The following ZKSCAN2 variants were observed in gnomAD, a reference collection of about 807,000 sequenced individuals.
ZKSCAN2 encodes zinc finger protein with KRAB and SCAN domains 2.
In ZKSCAN2, 38 loss-of-function variants were observed where a neutral mutation model predicts 90.5. The ratio of observed to expected loss-of-function variants is 0.42; its 90% CI spans 0.32 to 0.55. The LOEUF (loss-of-function observed/expected upper bound fraction) is 0.55. Ranked by LOEUF, ZKSCAN2 falls within the 20% of genes least tolerant of loss-of-function variation. ZKSCAN2 has a pLI of 0.11. For synonymous variants in ZKSCAN2, 429 were observed against 421.6 expected, an observed-to-expected ratio of 1.02 and a Z score of -0.22; for missense variants, 1,167 against 1,202.6, an observed-to-expected ratio of 0.97 and a Z score of 0.44.
rs1962820540 is a variant in ZKSCAN2, at chr16:25,239,870, A to G, written c.2850T>C (p.Tyr950=). Residue 950 remains tyrosine, a synonymous_variant, in exon 7 of 7, where the codon TAT becomes TAC. Coordinates refer to ENST00000328086, the MANE Select transcript of ZKSCAN2 (RefSeq NM_001012981.5). Reference sequence around the variant, plus strand: ...TTCCCTTATGTGGGTTCTCAGGGCAATACAGAGATGGAGGGTGTGGCAGAG... The same window carrying G: ...TTCCCTTATGTGGGTTCTCAGGGCAGTACAGAGATGGAGGGTGTGGCAGAG... ...EKPLPHPPSL[Y]CPENPHKGKT... The G allele has an allele frequency of 6.2e-7, 1 of 1,613,262 alleles. No homozygotes were observed. The highest frequency in any genetic ancestry group is 1.3e-5 in the African/African-American group (1 of 74,862).
At position 25,240,653 on chromosome 16, in the gene ZKSCAN2, C is replaced by G. The variant is rs1048729898; in HGVS notation, c.2067G>C (p.Lys689Asn). ...DMEQHRALIE[K>N]SKRVVSQSTD... Reference sequence around the variant, plus strand: ...TACTCTGGGAAACAACTCTTTTAGACTTTTCTATTAATGCCCTATGCTGTT... The same window carrying G: ...TACTCTGGGAAACAACTCTTTTAGAGTTTTCTATTAATGCCCTATGCTGTT... The change falls in exon 7 of 7, where the codon AAG becomes AAC. Residue 689 changes from lysine to asparagine, a missense_variant. Physicochemically the swap from Lys to Asn is moderately conservative, Grantham distance 94. Coordinates refer to ENST00000328086, the MANE Select transcript of ZKSCAN2 (RefSeq NM_001012981.5). 1.2e-6 allele frequency: 2 copies of G among 1,614,044 alleles called. No homozygotes were observed. The highest frequency in any genetic ancestry group is 1.7e-6 in the Non-Finnish European group (2 of 1,180,018).
At chr16:25,240,970 T>C (rs901633815) in intron 6 of ZKSCAN2, among the ~76,000 whole-genome samples, 1 of 152,056 alleles carries the variant, frequency 6.6e-6, no homozygotes, top group Admixed American at 6.6e-5. Flanking sequence ...AAGCCATCAT[T>C]CCCCATCCAT....
intron 4 of ZKSCAN2, 49 bp from the exon 5 acceptor site, chr16:25,247,439 C>A: frequency 6.7e-7 from 1 of 1,503,668 alleles, no homozygotes. Context: ...GTCATTACTG[C>A]ATGCCTCAAT....
intron 4 of ZKSCAN2, among the ~76,000 whole-genome samples, chr16:25,250,923 A>G (rs1963011411): frequency 6.6e-6 from 1 of 151,912 alleles, no homozygotes. Context: ...TGTCCAGCTA[A>G]TTTTGTATTT....
intron 4 of ZKSCAN2, 100 bp from the exon 5 acceptor site, chr16:25,247,490 C>A: frequency 1.1e-6 from 1 of 951,740 alleles, no homozygotes; most frequent in Non-Finnish European, 1.6e-6. Context: ...TTGTTCACAC[C>A]CAAACCTTCC....
At chr16:25,255,444 G>A (rs1963086845) in intron 1 of ZKSCAN2, 52 bp from the exon 2 acceptor site, 2 of 1,544,966 alleles carry the variant, frequency 1.3e-6, no homozygotes, top group African/African-American at 2.8e-5. Context: ...CCCATATCAG[G>A]GCGAAATTCT....
Position 25,239,914 on chromosome 16 carries a change from CTT to C in ZKSCAN2, c.2804_2805del (p.Glu935GlyfsTer18). Reference sequence around the variant, plus strand: ...GGCAGAGGCTTTTCTCTCACATGAACTTCCCGATGTTTGGTAAGAACAGAACT... The same window carrying C: ...GGCAGAGGCTTTTCTCTCACATGAACCCCGATGTTTGGTAAGAACAGAACT... ...SKSSVLTKHR[E>X]VHVREKPLPH... On this transcript the variant is annotated frameshift_variant, in exon 7 of 7. Transcript: ENST00000328086. LOFTEE classifies it low-confidence loss of function (END_TRUNC). 2 of 1,614,188 alleles carry C rather than the reference CTT, an allele frequency of 1.2e-6. No individual in the cohort carries two copies. The highest frequency in any genetic ancestry group is 1.7e-6 in the Non-Finnish European group (2 of 1,180,028).
Position 25,257,538 on chromosome 16 carries a change from G to C in ZKSCAN2, c.-411C>G. The C allele has an allele frequency of 1.0e-6, 1 of 987,388 alleles. No homozygotes were observed. The allele number at this position is 987,388 out of a possible 1,614,324, so 61.2% of individuals were successfully genotyped here. A position where few individuals can be genotyped will look rare whatever the true frequency, so the allele number is the denominator to read the frequency against. On this transcript the variant is annotated 5_prime_UTR_variant, in exon 1 of 7. Coordinates refer to ENST00000328086, the MANE Select transcript of ZKSCAN2 (RefSeq NM_001012981.5). ...GTCGGGCGCGGAGAGGCGAGTCCCCGAGTGGGTGGGGCCGGATGTGCAGGC... is the reference window on the plus strand; with the variant it reads ...GTCGGGCGCGGAGAGGCGAGTCCCCCAGTGGGTGGGGCCGGATGTGCAGGC...
At chr16:25,251,226 G>C (rs1308958677) in intron 4 of ZKSCAN2, among the ~76,000 whole-genome samples, 2 of 151,640 alleles carry the variant, frequency 1.3e-5, no homozygotes, top group East Asian at 3.9e-4. Context: ...GAGGGTAGGT[G>C]GGCAAAAAAA....
chr16:25,238,033 G>C lies in ZKSCAN2; in HGVS notation c.*1783C>G, dbSNP rs1451155409. 2 of 152,184 alleles carry C rather than the reference G, an allele frequency of 1.3e-5. No individual in the cohort carries two copies. The highest frequency in any genetic ancestry group is 4.8e-5 in the African/African-American group (2 of 41,448). 9.4% of individuals were successfully genotyped at this position (152,184 alleles called of 1,614,324 possible). A position where few individuals can be genotyped will look rare whatever the true frequency, so the allele number is the denominator to read the frequency against. ...TAATATTTCCAACAAATGTAAATCA[G>C]AAACATTTATCAATGTCTACCTGAG... On this transcript the variant is annotated 3_prime_UTR_variant, in exon 7 of 7. Transcript: ENST00000328086.
Position 25,239,674 on chromosome 16 carries a change from G to A in ZKSCAN2, c.*142C>T, listed in dbSNP as rs758470255. The A allele has an allele frequency of 1.2e-4, 81 of 690,196 alleles. 1 individual carries two copies. Among genetic ancestry groups the A allele is most frequent in the Non-Finnish European group, 1.8e-4 (75 of 421,350 alleles). The allele number at this position is 690,196 out of a possible 1,614,324, so 42.8% of individuals were successfully genotyped here. On this transcript the variant is annotated 3_prime_UTR_variant, in exon 7 of 7. Coordinates refer to ENST00000328086, the MANE Select transcript of ZKSCAN2 (RefSeq NM_001012981.5). ...GACTGATGAAGTTAGAGGCAGAGGT[G>A]AGAACAGGATGAAAGTGTTTAGTTT...
intron 6 of ZKSCAN2, among the ~76,000 whole-genome samples, chr16:25,243,199 T>C (rs911922876): frequency 3.9e-5 from 6 of 152,206 alleles, no homozygotes; most frequent in African/African-American, 1.4e-4. Flanking sequence ...TCCAAGTTTT[T>C]CTTCCCCACG....
chr16:25,243,576 G>C (rs552973252), intron 6 of ZKSCAN2, among the ~76,000 whole-genome samples: 1 of 152,112 alleles, frequency 6.6e-6, no homozygotes, highest in Admixed American at 6.5e-5. Context: ...TGATCCACCC[G>C]CCTCAACCTC....
intron 5 of ZKSCAN2, among the ~76,000 whole-genome samples, chr16:25,245,694 C>CAGG (rs1030331701): frequency 4.0e-5 from 6 of 151,442 alleles, no homozygotes; most frequent in Admixed American, 3.9e-4. Context: ...TGAACTCACC[C>CAGG]AGGAGGAGGA....
In ZKSCAN2 at chr16:25,238,013, T is replaced by C. The variant is rs2141355665; in HGVS notation, c.*1803A>G. The C allele has an allele frequency of 6.6e-6, 1 of 152,348 alleles. No individual in the cohort carries two copies. The highest frequency in any genetic ancestry group is 1.9e-4 in the East Asian group (1 of 5,186). 9.4% of individuals were successfully genotyped at this position (152,348 alleles called of 1,614,324 possible). A position where few individuals can be genotyped will look rare whatever the true frequency, so the allele number is the denominator to read the frequency against. ...TATTGAGATGTGAACAGTCATAATA[T>C]TTCCAACAAATGTAAATCAGAAACA... On this transcript the variant is annotated 3_prime_UTR_variant, in exon 7 of 7. Coordinates refer to ENST00000328086, the MANE Select transcript of ZKSCAN2 (RefSeq NM_001012981.5).
chr16:25,251,783 T>C (rs921149707), intron 4 of ZKSCAN2, 126 bp downstream of exon 4: 1 of 1,104,108 alleles, frequency 9.1e-7, no homozygotes, highest in Non-Finnish European at 1.3e-6. Flanking sequence ...GGCTAAGTGA[T>C]TACACTAGAC....
rs941244924 is a variant in ZKSCAN2, at chr16:25,236,557, G to A, written c.*3259C>T. 6.6e-6 allele frequency: 1 copy of A among 152,240 alleles called. No homozygotes were observed. The highest frequency in any genetic ancestry group is 2.1e-4 in the South Asian group (1 of 4,836). The allele number at this position is 152,240 out of a possible 1,614,324, so 9.4% of individuals were successfully genotyped here. On this transcript the variant is annotated 3_prime_UTR_variant, in exon 7 of 7. Coordinates refer to ENST00000328086, the MANE Select transcript of ZKSCAN2 (RefSeq NM_001012981.5). ...TAAGTTCAACTTCTCTTCAGATGAGGAGCCGAGGCCCAGAGAGGCTATGAT... is the reference window on the plus strand; with the variant it reads ...TAAGTTCAACTTCTCTTCAGATGAGAAGCCGAGGCCCAGAGAGGCTATGAT...
chr16:25,250,252 C>T (rs1274734629), intron 4 of ZKSCAN2, among the ~76,000 whole-genome samples: 1 of 151,686 alleles, frequency 6.6e-6, no homozygotes, highest in Non-Finnish European at 1.5e-5. Context: ...GAGGTTGCAG[C>T]GAGCCGAGAT....
intron 6 of ZKSCAN2, among the ~76,000 whole-genome samples, chr16:25,241,161 A>G (rs556514138): frequency 6.6e-6 from 1 of 152,296 alleles, no homozygotes; most frequent in African/African-American, 2.4e-5. Flanking sequence ...TACATATCTA[A>G]TCATATCCCA....
Sources: allele counts gnomAD v4.1 joint callset (sites outside exome capture counted in the v4.1 genomes callset), GRCh38; gene constraint gnomAD v4.1.1; transcripts MANE v1.5; gene names NCBI Gene and HGNC (gene_info 2026-07-23, HGNC 2026-07-21).